SYCP2L: variants seen among roughly 807,000 people sequenced by gnomAD.
SYCP2L encodes the protein synaptonemal complex protein 2-like.
A neutral mutation model predicts 125.8 loss-of-function variants in SYCP2L; 98 were observed. That is an observed-to-expected ratio of 0.78 (90% CI 0.66 to 0.92). The LOEUF (loss-of-function observed/expected upper bound fraction) is 0.92. Among genes scored for constraint, SYCP2L ranks in the 40% least tolerant of loss-of-function variants. The probability of loss-of-function intolerance (pLI) is 0.00; values close to 1 mark genes in which losing one functional copy is unlikely to be tolerated. For synonymous variants in SYCP2L, 317 were observed against 325.4 expected, an observed-to-expected ratio of 0.97 and a Z score of 0.28; for missense variants, 842 against 936.4, an observed-to-expected ratio of 0.90 and a Z score of 1.32.
intron 21 of SYCP2L, among the ~76,000 whole-genome samples, chr6:10,940,709 A>T (rs150746645): frequency 2.6e-5 from 4 of 152,216 alleles, no homozygotes; most frequent in African/African-American, 7.2e-5. Context: ...TCCTCGAAGG[A>T]TATAAACTTT....
chr6:10,933,884 C>A (rs1781043470), intron 20 of SYCP2L, among the ~76,000 whole-genome samples: 1 of 152,086 alleles, frequency 6.6e-6, no homozygotes, highest in African/African-American at 2.4e-5. Flanking sequence ...AATCTAGTAT[C>A]CCCTTACACT....
chr6:10,893,966 C>A lies in SYCP2L; in HGVS notation c.178C>A (p.Arg60Ser). The A allele has an allele frequency of 1.9e-6, 3 of 1,611,934 alleles. No individual in the cohort carries two copies. The highest frequency in any genetic ancestry group is 2.5e-6 in the Non-Finnish European group (3 of 1,179,548). The change falls in exon 3 of 30, where the codon CGT (arginine) becomes AGT (serine). Residue 60 changes from arginine (R) to serine (S), a missense_variant. Coordinates refer to ENST00000283141, the MANE Select transcript of SYCP2L (RefSeq NM_001040274.3). ...KESHFPQKYNRLLLYRLDRSI... is the reference protein window; with the variant it reads ...KESHFPQKYNSLLLYRLDRSI... ...GAGCCACTTTCCTCAAAAATATAAT[C>A]GTCTTCTATTATACCGTCTTGACAG...
intron 14 of SYCP2L, among the ~76,000 whole-genome samples, chr6:10,913,865 C>T (rs942994654): frequency 6.7e-6 from 1 of 150,206 alleles, no homozygotes; most frequent in South Asian, 2.1e-4. Flanking sequence ...GAGTTTTGCT[C>T]TTGTTGCCCA....
chr6:10,910,150 CA>C lies in SYCP2L; in HGVS notation c.823del (p.Ser275ValfsTer8). The C allele has an allele frequency of 1.2e-6, 2 of 1,613,036 alleles. No homozygotes were observed. ...EIKDREFETD[S>X]RRFLNHLNNR... ...AGTTTATATCATTTGCTTTGAAGGA[CA>C]GTAGACGTTTTCTCAATCACCTAAA... On this transcript the variant is annotated frameshift_variant, in exon 11 of 30. Coordinates refer to ENST00000283141, the MANE Select transcript of SYCP2L (RefSeq NM_001040274.3). LOFTEE classifies it high-confidence loss of function.
At chr6:10,889,531 A>G (rs1780138782) in intron 1 of SYCP2L, among the ~76,000 whole-genome samples, 1 of 151,660 alleles carries the variant, frequency 6.6e-6, no homozygotes. Context: ...AGCTAGCTGT[A>G]ATTTTGTGTT....
chr6:10,902,292 T>C (rs958266908), intron 6 of SYCP2L, among the ~76,000 whole-genome samples: 1 of 152,194 alleles, frequency 6.6e-6, no homozygotes, highest in Non-Finnish European at 1.5e-5. Context: ...CTCGCTCACT[T>C]TCCCCCCTGC....
chr6:10,948,545 C>T (rs914871505), intron 23 of SYCP2L, among the ~76,000 whole-genome samples: 8 of 152,178 alleles, frequency 5.3e-5, no homozygotes, highest in East Asian at 3.9e-4. Flanking sequence ...TTCAGCCATA[C>T]TTGTGTTCCT....
At position 10,929,526 on chromosome 6, in the gene SYCP2L, A is replaced by C. The variant is rs149558740; in HGVS notation, c.1489-844A>C. On this transcript the variant is annotated intron_variant, in intron 18 of 29. Coordinates refer to ENST00000283141, the MANE Select transcript of SYCP2L (RefSeq NM_001040274.3). ...AATGTAAGAACAGAAAAATTTTAAA[A>C]ATATAAATATCAAAGTACAGTTGAA... is the stretch of plus-strand genomic sequence containing the variant. Among the ~76,000 whole-genome samples the C allele has an allele frequency of 5.6e-4, 86 of 152,376 alleles. 1 individual carries two copies. In the East Asian group the frequency reaches 0.016, roughly 28 times the overall value.
At chr6:10,916,209 CTTCTT>C (rs1215869358) in intron 14 of SYCP2L, among the ~76,000 whole-genome samples, 1 of 152,096 alleles carries the variant, frequency 6.6e-6, no homozygotes, top group Non-Finnish European at 1.5e-5. Flanking sequence ...GATTTTCTCT[CTTCTT>C]TTCTTGGTTA....
chr6:10,911,275 C>T (rs972252510), intron 12 of SYCP2L, among the ~76,000 whole-genome samples: 2 of 152,120 alleles, frequency 1.3e-5, no homozygotes, highest in South Asian at 4.2e-4. Flanking sequence ...TGTCCTTTCT[C>T]TCTCTCTCAT....
chr6:10,958,902 C>A (rs761919457), intron 26 of SYCP2L, 27 bp downstream of exon 26: 7 of 1,599,358 alleles, frequency 4.4e-6, no homozygotes, highest in Non-Finnish European at 6.0e-6. Flanking sequence ...AAAACAAGGT[C>A]GTGGAAGTGT....
In SYCP2L at chr6:10,910,882, C is replaced by T; in HGVS notation, c.918+13C>T. 4.3e-6 allele frequency: 7 copies of T among 1,613,744 alleles called. No homozygotes were observed. The highest frequency in any genetic ancestry group is 2.2e-5 in the East Asian group (1 of 44,862). ...TGATGAGCATGAGGTATGTTCATCCCTCTTGGAGGTCCTGAGGGCGGTGTG... is the reference window on the plus strand; with the variant it reads ...TGATGAGCATGAGGTATGTTCATCCTTCTTGGAGGTCCTGAGGGCGGTGTG... On this transcript the variant is annotated intron_variant, in intron 12 of 29. Coordinates refer to ENST00000283141, the MANE Select transcript of SYCP2L (RefSeq NM_001040274.3).
chr6:10,927,760 G>A (rs145609329), intron 17 of SYCP2L, among the ~76,000 whole-genome samples: 3,968 of 152,174 alleles, frequency 0.026, 147 homozygotes, highest in African/African-American at 0.09. Flanking sequence ...TTTATTAGGC[G>A]AGAATTTCCT....
intron 20 of SYCP2L, among the ~76,000 whole-genome samples, chr6:10,933,065 A>C (rs1196871093): frequency 6.6e-6 from 1 of 152,170 alleles, no homozygotes; most frequent in Non-Finnish European, 1.5e-5. Flanking sequence ...CAGCTTAAAA[A>C]ATCGATAAAT....
In SYCP2L at chr6:10,894,148, G is replaced by A. The variant is rs6456746; in HGVS notation, c.280G>A (p.Val94Ile). ...LLLKCIQRFLVDGLKEDEPLL... is the reference protein window; with the variant it reads ...LLLKCIQRFLIDGLKEDEPLL... Reference sequence around the variant, plus strand: ...GCTGAAATGTATTCAGCGATTCCTCGTAGATGGCCTGAAAGAAGATGAACC... The same window carrying A: ...GCTGAAATGTATTCAGCGATTCCTCATAGATGGCCTGAAAGAAGATGAACC... Residue 94 changes from valine to isoleucine, a missense_variant, in exon 4 of 30, where the codon GTA becomes ATA. Val to Ile is a conservative substitution (Grantham distance 29). Coordinates refer to ENST00000283141, the MANE Select transcript of SYCP2L (RefSeq NM_001040274.3). 0.074 allele frequency: 119,902 copies of A among 1,613,324 alleles called. 6,090 individuals carry two copies. The highest frequency in any genetic ancestry group is 0.24 in the African/African-American group (18,342 of 74,892).
At chr6:10,926,474 T>G in intron 16 of SYCP2L, 42 bp downstream of exon 16, 1 of 1,503,154 alleles carries the variant, frequency 6.7e-7, no homozygotes, top group East Asian at 2.3e-5. Context: ...GAGTTTTCTG[T>G]AAAAGCGATG....
At chr6:10,959,869 CAAAAAAAAAAAA>C (rs201059528) in intron 26 of SYCP2L, among the ~76,000 whole-genome samples, 1 of 126,238 alleles carries the variant, frequency 7.9e-6, no homozygotes, top group Non-Finnish European at 1.7e-5. Flanking sequence ...AACTCTGTCT[CAAAAAAAAAAAA>C]AAAGAAAGAA....
chr6:10,947,968 G>T (rs1408141806), intron 23 of SYCP2L, among the ~76,000 whole-genome samples: 1 of 152,076 alleles, frequency 6.6e-6, no homozygotes, highest in Non-Finnish European at 1.5e-5. Context: ...AAGTATTGAA[G>T]TTATGAAATG....
chr6:10,921,973 T>A (rs1250232054), intron 14 of SYCP2L, among the ~76,000 whole-genome samples: 1 of 152,192 alleles, frequency 6.6e-6, no homozygotes, highest in Non-Finnish European at 1.5e-5. Context: ...CCCAAAGTGC[T>A]GGATTACAGG....
Sources: allele counts gnomAD v4.1 joint callset (sites outside exome capture counted in the v4.1 genomes callset), GRCh38; gene constraint gnomAD v4.1.1; transcripts MANE v1.5; gene names NCBI Gene and HGNC (gene_info 2026-07-23, HGNC 2026-07-21).